Variants in CAMTA2 observed in about 807,000 individuals in gnomAD.
The protein encoded by CAMTA2 is calmodulin-binding transcription activator 2.
CAMTA2 carries 56 observed loss-of-function variants against 135.7 expected under a neutral mutation model. That is an observed-to-expected ratio of 0.41 (90% confidence interval 0.33 to 0.52). CAMTA2 has a LOEUF of 0.52. Ranked by LOEUF, CAMTA2 falls within the 20% of genes least tolerant of loss-of-function variation. The probability of loss-of-function intolerance (pLI) is 0.16; values close to 1 mark genes in which losing one functional copy is unlikely to be tolerated. For synonymous variants in CAMTA2, 591 were observed against 604.6 expected, an observed-to-expected ratio of 0.98 and a Z score of 0.33; for missense variants, 1,358 against 1,553.4, an observed-to-expected ratio of 0.87 and a Z score of 2.11.
chr17:4,968,764 C>G lies in CAMTA2; in HGVS notation c.3601G>C (p.Ala1201Pro). Residue 1201 changes from alanine to proline, a missense_variant, in exon 23 of 23, where the codon GCC becomes CCC. Ala to Pro is a conservative substitution (Grantham distance 27). Around this residue, in one of 4 missense-constraint regions of CAMTA2, gnomAD observed 167 missense variants for 207.0 expected, o/e 0.81. Transcript: ENST00000348066. ...ELEGLPQPGL[A>P]T Reference sequence around the variant, plus strand: ...GAAAGGCGGTGGCCAGGTCATGTGGCCAGTCCCGGCTGGGGAAGCCCTTCC... The same window carrying G: ...GAAAGGCGGTGGCCAGGTCATGTGGGCAGTCCCGGCTGGGGAAGCCCTTCC... 1 of 1,614,100 alleles carries G rather than the reference C, an allele frequency of 6.2e-7. No homozygotes were observed. The highest frequency in any genetic ancestry group is 1.1e-5 in the South Asian group (1 of 91,086).
At chr17:4,985,784 C>CT in intron 3 of CAMTA2, 96 bp downstream of exon 3, 1 of 795,086 alleles carries the variant, frequency 1.3e-6, no homozygotes, top group Non-Finnish European at 2.3e-6. Context: ...GTGCTCTGCA[C>CT]TTAGGAGTGT....
chr17:4,970,250 G>T, intron 17 of CAMTA2, 90 bp downstream of exon 17: 1 of 1,496,106 alleles, frequency 6.7e-7, no homozygotes, highest in Non-Finnish European at 9.3e-7. Context: ...GCCTCAGCCA[G>T]AATGGAGCTT....
chr17:4,972,668 G>C, intron 15 of CAMTA2, 101 bp downstream of exon 15: 1 of 1,422,406 alleles, frequency 7.0e-7, no homozygotes, highest in Non-Finnish European at 9.9e-7. Context: ...CTGCCTCTGT[G>C]GTTTGTCTCC....
At chr17:4,977,783 C>A (rs1038584840) in intron 10 of CAMTA2, among the ~76,000 whole-genome samples, 2 of 152,178 alleles carry the variant, frequency 1.3e-5, no homozygotes, top group African/African-American at 4.8e-5. Flanking sequence ...TCCTTGAGGT[C>A]CCCTAGTAAG....
Position 4,969,639 on chromosome 17 carries a change from C to T in CAMTA2, c.3252G>A (p.Lys1084=), listed in dbSNP as rs1197590568. Residue 1084 remains lysine, a synonymous_variant, in exon 19 of 23, where the codon AAG becomes AAA. Transcript: ENST00000348066. This position sits in a 1 kb window ranked among gnomAD's most constrained non-coding sequence, Gnocchi z 5.6. ...GGGAGAAGGGTCTCACCTGCTTGTA[C>T]TTCCGGTAACAGCGCTGGATTACAG... The part of the protein sequence containing the change: ...AAAVIQRCYR[K]YKQLTWIALK... 2 of 1,614,028 alleles carry T rather than the reference C, an allele frequency of 1.2e-6. No homozygotes were observed. The highest frequency in any genetic ancestry group is 1.7e-6 in the Non-Finnish European group (2 of 1,180,036).
At position 4,969,669 on chromosome 17, in the gene CAMTA2, T is replaced by C; in HGVS notation, c.3222A>G (p.Ala1074=). The change falls in exon 19 of 23, where the codon GCA becomes GCG. Residue 1074 remains alanine (A), a synonymous_variant. Coordinates refer to ENST00000348066, the MANE Select transcript of CAMTA2 (RefSeq NM_015099.4). The surrounding 1 kb of genome is among the most constrained non-coding windows in gnomAD (Gnocchi z 5.6). ...GRRLKEQQEV[A]AAVIQRCYRK... is the part of the protein sequence containing the mutation. ...GGTAACAGCGCTGGATTACAGCTGC[T>C]GCTACCTCCTGCTGCTCCTTCAGCC... The C allele has an allele frequency of 6.2e-7, 1 of 1,614,060 alleles. No homozygotes were observed. Among genetic ancestry groups the C allele is most frequent in the Non-Finnish European group, 8.5e-7 (1 of 1,180,022 alleles).
chr17:4,968,790 A>G lies in CAMTA2; in HGVS notation c.3575T>C (p.Leu1192Pro), dbSNP rs1299567994. 1 of 1,614,066 alleles carries G rather than the reference A, an allele frequency of 6.2e-7. No individual in the cohort carries two copies. The highest frequency in any genetic ancestry group is 1.3e-5 in the African/African-American group (1 of 74,936). Residue 1192 changes from leucine to proline, a missense_variant, in exon 23 of 23, where the codon CTG becomes CCG. This residue lies in a region of CAMTA2 where 167 missense variants were observed against 207.0 expected (regional missense o/e 0.81). Transcript: ENST00000348066. ...RMRELKQNQE[L>P]EGLPQPGLAT ...CAGTCCCGGCTGGGGAAGCCCTTCC[A>G]GCTCCTGGTTCTGCTTCAGTTCCCT...
chr17:4,981,722 A>T lies in CAMTA2; in HGVS notation c.521T>A (p.Leu174Gln). 6.2e-7 allele frequency: 1 copy of T among 1,612,376 alleles called. No homozygotes were observed. The highest frequency in any genetic ancestry group is 8.5e-7 in the Non-Finnish European group (1 of 1,179,202). The change falls in exon 7 of 23, where the codon CTG (leucine) becomes CAG (glutamine). Residue 174 changes from leucine to glutamine, a missense_variant. This residue lies in a region of CAMTA2 where 1,077 missense variants were observed against 1,127.5 expected (regional missense o/e 0.96). Coordinates refer to ENST00000348066, the MANE Select transcript of CAMTA2 (RefSeq NM_015099.4). ...CAACAACTCCTCCCGGGACCACTTC[A>T]GCCACTCTCGACGGTCGCTGCTGAT... is the stretch of plus-strand genomic sequence containing the variant. ...CSISSDRREW[L>Q]KWSREELLGQ...
At chr17:4,974,358 AG>A (rs1292357155) in intron 12 of CAMTA2, 26 bp downstream of exon 12, 1 of 1,445,982 alleles carries the variant, frequency 6.9e-7, no homozygotes, top group Non-Finnish European at 9.7e-7. Flanking sequence ...TCCCCACCGT[AG>A]ACCACCTCCC....
intron 2 of CAMTA2, 63 bp from the exon 3 acceptor site, chr17:4,986,046 G>C (rs1372332545): frequency 7.7e-7 from 1 of 1,299,540 alleles, no homozygotes; most frequent in Non-Finnish European, 1.1e-6. Flanking sequence ...GATAGTCCAA[G>C]GGGAAAGGGC....
Position 4,986,243 on chromosome 17 carries a change from AG to A in CAMTA2, c.-22del. The A allele has an allele frequency of 6.2e-7, 1 of 1,605,342 alleles. No individual in the cohort carries two copies. Among genetic ancestry groups the A allele is most frequent in the South Asian group, 1.1e-5 (1 of 90,828 alleles). ...TTCATGGTGAGGGCTCCAGGGGGCA[AG>A]GTCACCCCCGGCCTGAGGGGCCGGG... On this transcript the variant is annotated 5_prime_UTR_variant, in exon 2 of 23. Transcript: ENST00000348066.
At position 4,969,218 on chromosome 17, in the gene CAMTA2, GTGC is replaced by G; in HGVS notation, c.3399_3401del (p.Gln1133del). 1 of 1,613,264 alleles carries G rather than the reference GTGC, an allele frequency of 6.2e-7. No homozygotes were observed. The highest frequency in any genetic ancestry group is 8.5e-7 in the Non-Finnish European group (1 of 1,180,016). On this transcript the variant is annotated inframe_deletion, in exon 21 of 23. Transcript: ENST00000348066. The surrounding 1 kb of genome is among the most constrained non-coding windows in gnomAD (Gnocchi z 5.6). ...CGGGCCTGCGGCGGTAGGAGCGGTAGTGCTGCTGGATGAGCACAGCCGCTCGGC... is the reference window on the plus strand; with the variant it reads ...CGGGCCTGCGGCGGTAGGAGCGGTAGTGCTGGATGAGCACAGCCGCTCGGC...
At position 4,979,998 on chromosome 17, in the gene CAMTA2, A is replaced by C; in HGVS notation, c.1324T>G (p.Phe442Val). The C allele has an allele frequency of 6.2e-7, 1 of 1,613,648 alleles. No individual in the cohort carries two copies. Among genetic ancestry groups the C allele is most frequent in the Non-Finnish European group, 8.5e-7 (1 of 1,179,982 alleles). Residue 442 changes from phenylalanine (F) to valine (V), a missense_variant, in exon 9 of 23, where the codon TTC becomes GTC. Coordinates refer to ENST00000348066, the MANE Select transcript of CAMTA2 (RefSeq NM_015099.4). Reference protein sequence around the residue: ...SVAGGRRGNCFFIQDDDSGEE... With the variant: ...SVAGGRRGNCVFIQDDDSGEE... ...CCACTGTCATCATCTTGGATGAAGAAGCAGTTTCCTCTTCTCCCACCTGCT... is the reference window on the plus strand; with the variant it reads ...CCACTGTCATCATCTTGGATGAAGACGCAGTTTCCTCTTCTCCCACCTGCT...
At chr17:4,986,108 G>GA in intron 2 of CAMTA2, 84 bp downstream of exon 2, 1 of 1,110,296 alleles carries the variant, frequency 9.0e-7, no homozygotes, top group Non-Finnish European at 1.4e-6. Context: ...AAGGAGAACA[G>GA]AAAATCCAAG....
In CAMTA2 at chr17:4,987,387, G is replaced by C; in HGVS notation, c.-65+206C>G. On this transcript the variant is annotated intron_variant, in intron 1 of 22. Transcript: ENST00000348066. Reference sequence around the variant, plus strand: ...AGGTGCCGGGTGCGGGGGTCTCCGGGACAGTCCCCGGCACGCGCTGGTCCG... The same window carrying C: ...AGGTGCCGGGTGCGGGGGTCTCCGGCACAGTCCCCGGCACGCGCTGGTCCG... 5.1e-6 allele frequency: 7 copies of C among 1,368,500 alleles called. No individual in the cohort carries two copies. The South Asian group carries it at 1.0e-4, about 20-fold the overall frequency. The allele number at this position is 1,368,500 out of a possible 1,614,324, so 84.8% of individuals were successfully genotyped here.
chr17:4,982,398 C>T (rs1973011765), intron 5 of CAMTA2, among the ~76,000 whole-genome samples: 1 of 151,526 alleles, frequency 6.6e-6, no homozygotes. Context: ...TATCTAGAAA[C>T]CAGAGGGCAG....
At position 4,968,730 on chromosome 17, in the gene CAMTA2, G is replaced by C; in HGVS notation, c.*26C>G. The C allele has an allele frequency of 1.9e-6, 3 of 1,613,768 alleles. No homozygotes were observed. The highest frequency in any genetic ancestry group is 2.5e-6 in the Non-Finnish European group (3 of 1,179,948). The stretch of plus-strand genomic sequence containing the variant: ...GTTAAGACTGCACGAGGCGCCCCCA[G>C]GGTGGTGAGAAAGGCGGTGGCCAGG... On this transcript the variant is annotated 3_prime_UTR_variant, in exon 23 of 23. Coordinates refer to ENST00000348066, the MANE Select transcript of CAMTA2 (RefSeq NM_015099.4).
At chr17:4,971,154 C>T (rs1046185796) in intron 16 of CAMTA2, among the ~76,000 whole-genome samples, 2 of 152,224 alleles carry the variant, frequency 1.3e-5, no homozygotes, top group African/African-American at 4.8e-5. Context: ...GATTCACTTT[C>T]ATTCCACAAG....
intron 11 of CAMTA2, among the ~76,000 whole-genome samples, chr17:4,975,586 A>G (rs1972564800): frequency 6.6e-6 from 1 of 152,174 alleles, no homozygotes; most frequent in Non-Finnish European, 1.5e-5. Flanking sequence ...GCCAGATCCC[A>G]AGGTAGGCAG....
Sources: gnomAD v4.1 joint callset for allele counts (sites outside exome capture counted in the v4.1 genomes callset) on GRCh38, gnomAD v4.1.1 for gene constraint, gnomAD v4.1.1 regional missense constraint, Gnocchi (gnomAD v3.1) non-coding constraint, MANE v1.5 for transcripts, NCBI Gene and HGNC (gene_info 2026-07-23, HGNC 2026-07-21) for gene names.